Variants in FAT4 observed in about 807,000 individuals in gnomAD.
FAT4 encodes protocadherin Fat 4.
FAT4 carries 84 observed loss-of-function variants against 303.9 expected under a neutral mutation model. The observed-to-expected ratio is 0.28, with a 90% CI of 0.23 to 0.33. The LOEUF (loss-of-function observed/expected upper bound fraction) is 0.33. Ranked by LOEUF, FAT4 falls within the 10% of genes least tolerant of loss-of-function variation. FAT4 has a pLI of 1.00. For missense variants in FAT4, 6,005 were observed against 6,146.8 expected (o/e 0.98, Z 0.77); for synonymous variants, 2,307 against 2,298.8 (o/e 1.00, Z -0.10).
rs140494092 is a variant in FAT4 at position 125,451,402 on chromosome 4, C to A, written c.10392C>A (p.Ile3464=). The A allele has an allele frequency of 4.2e-4, 678 of 1,614,036 alleles. 1 individual carries two copies. The highest frequency in any genetic ancestry group is 5.3e-4 in the Non-Finnish European group (621 of 1,180,026). Reference sequence around the variant, plus strand: ...CTATTAATCCGCAGACAGGACAGATCACCGTTACTGCAGAATTAGATCGAG... The same window carrying A: ...CTATTAATCCGCAGACAGGACAGATAACCGTTACTGCAGAATTAGATCGAG... ...AFSINPQTGQ[I]TVTAELDRET... The change falls in exon 10 of 18, where the codon ATC becomes ATA. Residue 3464 remains isoleucine, a synonymous_variant. Coordinates refer to ENST00000394329, the MANE Select transcript of FAT4 (RefSeq NM_001291303.3).
intron 2 of FAT4, among the ~76,000 whole-genome samples, chr4:125,329,846 C>T (rs1731305609): frequency 6.6e-6 from 1 of 152,150 alleles, no homozygotes; most frequent in Non-Finnish European, 1.5e-5. Context: ...AAAATCTTAG[C>T]GTTATCTTTG....
At chr4:125,408,930 T>G (rs1734735215) in intron 5 of FAT4, 136 bp downstream of exon 5, 1 of 461,982 alleles carries the variant, frequency 2.2e-6, no homozygotes, top group Non-Finnish European at 3.8e-6. Context: ...AATAGAATTA[T>G]AACTGAACTG....
chr4:125,444,017 A>G (rs767861189), intron 8 of FAT4, among the ~76,000 whole-genome samples: 63 of 152,202 alleles, frequency 4.1e-4, no homozygotes, highest in Admixed American at 4.6e-4. Context: ...GAAAAAATTA[A>G]TTAGATATTA....
intron 7 of FAT4, among the ~76,000 whole-genome samples, chr4:125,429,052 C>T (rs1725194829): frequency 6.6e-6 from 1 of 152,004 alleles, no homozygotes; most frequent in Non-Finnish European, 1.5e-5. Context: ...AAACATTGGC[C>T]CTAGTATTCT....
In FAT4 at chr4:125,415,367, C is replaced by A. The variant is rs374938844; in HGVS notation, c.6404C>A (p.Ser2135Tyr). Residue 2135 changes from serine to tyrosine, a missense_variant, in exon 6 of 18, where the codon TCT becomes TAT. Ser to Tyr is a moderately radical substitution (Grantham distance 144, BLOSUM62 -2). Transcript: ENST00000394329. ...ACAGACAAAGGTCAACCATCTCTCTCTTCATCTACAGAGGTTGTAGTTATG... is the reference window on the plus strand; with the variant it reads ...ACAGACAAAGGTCAACCATCTCTCTATTCATCTACAGAGGTTGTAGTTATG... Reference protein sequence around the residue: ...VATDKGQPSLSSSTEVVVMVL... With the variant: ...VATDKGQPSLYSSTEVVVMVL... 1 of 1,613,902 alleles carries A rather than the reference C, an allele frequency of 6.2e-7. No homozygotes were observed. Among genetic ancestry groups the A allele is most frequent in the African/African-American group, 1.3e-5 (1 of 74,900 alleles).
chr4:125,345,667 G>A (rs1289287749), intron 2 of FAT4, among the ~76,000 whole-genome samples: 1 of 151,660 alleles, frequency 6.6e-6, no homozygotes, highest in Admixed American at 6.6e-5. Context: ...TTTTCTTTTG[G>A]CCTCTAATTC....
chr4:125,408,447 C>T lies in FAT4; in HGVS notation c.5573C>T (p.Ser1858Phe), dbSNP rs749313432. The change falls in exon 5 of 18, where the codon TCT (serine) becomes TTT (phenylalanine). Residue 1858 changes from serine (S) to phenylalanine (F), a missense_variant. Ser to Phe is a radical substitution (Grantham distance 155, BLOSUM62 -2). Coordinates refer to ENST00000394329, the MANE Select transcript of FAT4 (RefSeq NM_001291303.3). ...TATTAATTTATTCTTTTGATAGGTT[C>T]TTTGGTAGCAGCCATTTTAGCCACG... ...FDIPEDTIPG[S>F]LVAAILATDD... The T allele has an allele frequency of 3.8e-6, 6 of 1,584,542 alleles. No homozygotes were observed. The highest frequency in any genetic ancestry group is 5.2e-6 in the Non-Finnish European group (6 of 1,164,920).
intron 2 of FAT4, among the ~76,000 whole-genome samples, chr4:125,393,198 G>T (rs1734037781): frequency 6.6e-6 from 1 of 152,092 alleles, no homozygotes; most frequent in South Asian, 2.1e-4. Context: ...ATTAAAATAT[G>T]TTTAGATTTT....
rs1190190322 is a variant in FAT4, at chr4:125,451,266, T to C, written c.10256T>C (p.Val3419Ala). The change falls in exon 10 of 18, where the codon GTC becomes GCC. Residue 3419 changes from valine to alanine, a missense_variant. Val to Ala is a moderately conservative substitution (Grantham distance 64). Transcript: ENST00000394329. Reference sequence around the variant, plus strand: ...TACAGTGTGCAGATCAGTGAAGGGGTCCCAATAGGAACTCATGTGACCTTT... The same window carrying C: ...TACAGTGTGCAGATCAGTGAAGGGGCCCCAATAGGAACTCATGTGACCTTT... ...NIYSVQISEG[V>A]PIGTHVTFVS... 1.2e-6 allele frequency: 2 copies of C among 1,613,618 alleles called. No individual in the cohort carries two copies. The highest frequency in any genetic ancestry group is 1.3e-5 in the African/African-American group (1 of 74,860).
chr4:125,366,104 A>G (rs1278925327), intron 2 of FAT4, among the ~76,000 whole-genome samples: 2 of 152,176 alleles, frequency 1.3e-5, no homozygotes, highest in Non-Finnish European at 1.5e-5. Flanking sequence ...GTCTTCCACA[A>G]AACTGGTCCC....
intron 2 of FAT4, among the ~76,000 whole-genome samples, chr4:125,376,180 A>G (rs1578573762): frequency 6.6e-6 from 1 of 152,218 alleles, no homozygotes; most frequent in African/African-American, 2.4e-5. Flanking sequence ...ACCTACAAAG[A>G]TTTTACCAAG....
chr4:125,491,542 C>T lies in FAT4; in HGVS notation c.14726C>T (p.Ala4909Val), dbSNP rs373253210. ...RAEGGPVGTQ[A>V]AAPGTADNTL... ...GAGGGAGGACCTGTGGGCACCCAGG[C>T]AGCAGCACCAGGCACTGCTGACAAC... The change falls in exon 18 of 18, where the codon GCA (alanine) becomes GTA (valine). Residue 4909 changes from alanine to valine, a missense_variant. By Grantham distance (64) the Ala-to-Val change is moderately conservative (BLOSUM62 0). Transcript: ENST00000394329. 3 of 1,614,052 alleles carry T rather than the reference C, an allele frequency of 1.9e-6. No individual in the cohort carries two copies. The highest frequency in any genetic ancestry group is 2.7e-5 in the African/African-American group (2 of 74,932).
At chr4:125,338,362 C>A (rs755026432) in intron 2 of FAT4, among the ~76,000 whole-genome samples, 1 of 152,088 alleles carries the variant, frequency 6.6e-6, no homozygotes, top group Non-Finnish European at 1.5e-5. Context: ...TTAACTAGGA[C>A]CTTGTTCTTA....
At position 125,375,215 on chromosome 4, in the gene FAT4, G is replaced by T. The variant is rs73845991; in HGVS notation, c.5176-23569G>T. On this transcript the variant is annotated intron_variant, in intron 2 of 17. Coordinates refer to ENST00000394329, the MANE Select transcript of FAT4 (RefSeq NM_001291303.3). ...AAAGGAGAGTTTAATCATTATTTTA[G>T]GTTCCCTCATGGTGACTCTAAATTG... Among the ~76,000 whole-genome samples, 1,396 of 152,222 alleles carry T rather than the reference G, an allele frequency of 9.2e-3. 21 individuals are homozygous for T. The highest frequency in any genetic ancestry group is 0.031 in the African/African-American group (1,308 of 41,532).
At chr4:125,351,691 T>A (rs11098808) in intron 2 of FAT4, among the ~76,000 whole-genome samples, 45,023 of 151,544 alleles carry the variant, frequency 0.3, 6,873 homozygotes, top group Non-Finnish European at 0.34. Context: ...AAATGTGTAA[T>A]GAGTAAGAAG....
chr4:125,359,129 G>A (rs1458237478), intron 2 of FAT4, among the ~76,000 whole-genome samples: 1 of 152,094 alleles, frequency 6.6e-6, no homozygotes, highest in African/African-American at 2.4e-5. Context: ...CCAGGTTCTA[G>A]TCTGGCACAT....
At chr4:125,341,616 T>C (rs1441128064) in intron 2 of FAT4, among the ~76,000 whole-genome samples, 1 of 152,114 alleles carries the variant, frequency 6.6e-6, no homozygotes, top group Admixed American at 6.5e-5. Context: ...TTAATTCATG[T>C]GTGTTCTTCC....
At chr4:125,360,974 T>C (rs981342709) in intron 2 of FAT4, among the ~76,000 whole-genome samples, 3 of 147,496 alleles carry the variant, frequency 2.0e-5, no homozygotes, top group Non-Finnish European at 4.5e-5. Context: ...TTTTTATTAT[T>C]ATTTATTTTA....
intron 2 of FAT4, among the ~76,000 whole-genome samples, chr4:125,321,943 G>A (rs1560758218): frequency 6.6e-6 from 1 of 152,152 alleles, no homozygotes; most frequent in Non-Finnish European, 1.5e-5. Context: ...CAGAAGATGG[G>A]CACTTTCAGA....
Sources: allele counts gnomAD v4.1 joint callset (sites outside exome capture counted in the v4.1 genomes callset), GRCh38; gene constraint gnomAD v4.1.1; transcripts MANE v1.5; gene names NCBI Gene and HGNC (gene_info 2026-07-23, HGNC 2026-07-21).